RSAD2: variants seen among roughly 807,000 people sequenced by gnomAD.
The protein encoded by RSAD2 is S-adenosylmethionine-dependent nucleotide dehydratase RSAD2.
RSAD2 carries 38 observed loss-of-function variants against 37.7 expected under a neutral mutation model. That is an observed-to-expected ratio of 1.01 (90% CI 0.78 to 1.32). RSAD2 has a LOEUF of 1.32. Ranked by LOEUF, RSAD2 falls within the 40% of genes most tolerant of loss-of-function variation. The pLI, the probability that RSAD2 is intolerant of heterozygous loss-of-function variation, is 0.00. For missense variants in RSAD2, 428 were observed against 437.5 expected, an observed-to-expected ratio of 0.98 and a Z score of 0.19; for synonymous variants, 163 against 157.4, an observed-to-expected ratio of 1.04 and a Z score of -0.27.
intron 1 of RSAD2, among the ~76,000 whole-genome samples, chr2:6,881,167 C>T (rs1663391485): frequency 6.6e-6 from 1 of 152,162 alleles, no homozygotes; most frequent in South Asian, 2.1e-4. Flanking sequence ...GTTTATCTGC[C>T]ACTATATCAC....
upstream of RSAD2, chr2:6,876,887 A>T (rs1479671842): frequency 6.6e-6 from 1 of 152,188 alleles, no homozygotes; most frequent in Non-Finnish European, 1.5e-5. Context: ...AAAGTCGCTT[A>T]CTCAGTCACC....
In RSAD2 at chr2:6,883,552, A is replaced by G. The variant is rs1663458035; in HGVS notation, c.508+20A>G. ...ATTATGGTGTGCTCCATGGGATGGC[A>G]TTCTTCTTATTGCTATTGCTATTTT... On this transcript the variant is annotated intron_variant, in intron 2 of 5. Coordinates refer to ENST00000382040, the MANE Select transcript of RSAD2 (RefSeq NM_080657.5). 1.2e-5 allele frequency: 20 copies of G among 1,612,364 alleles called. No homozygotes were observed. In the East Asian group the frequency reaches 4.2e-4, roughly 34 times the overall value.
At chr2:6,877,702 C>A, upstream of RSAD2, 1 of 854,868 alleles carries the variant, frequency 1.2e-6, no homozygotes, top group Non-Finnish European at 1.8e-6. Flanking sequence ...GTGTGTCCTG[C>A]TCCCCAATGA....
intron 1 of RSAD2, among the ~76,000 whole-genome samples, chr2:6,881,196 T>G (rs1663392117): frequency 6.6e-6 from 1 of 152,174 alleles, no homozygotes. Context: ...ACTTCTTAGG[T>G]AATTATGTTT....
chr2:6,873,496 A>G (rs1049229026), upstream of RSAD2, among the ~76,000 whole-genome samples: 1 of 152,202 alleles, frequency 6.6e-6, no homozygotes, highest in African/African-American at 2.4e-5. Flanking sequence ...CTATTAGGTA[A>G]CTGGCCTAGT....
chr2:6,889,673 C>A (rs1232278374), intron 3 of RSAD2, among the ~76,000 whole-genome samples: 1 of 152,186 alleles, frequency 6.6e-6, no homozygotes, highest in Non-Finnish European at 1.5e-5. Flanking sequence ...CACACTCTTA[C>A]ACACACATTT....
Position 6,877,907 on chromosome 2 carries a change from G to C in RSAD2, c.107G>C (p.Arg36Thr), listed in dbSNP as rs1272862163. ...RSLVPLFCWL[R>T]ATFWLLATKR... ...CTGGTCCCGCTGTTCTGCTGGCTGA[G>C]GGCAACCTTCTGGCTGCTAGCTACC... is the stretch of plus-strand genomic sequence containing the variant. Residue 36 changes from arginine (R) to threonine (T), a missense_variant, in exon 1 of 6, where the codon AGG becomes ACG. By Grantham distance (71) the Arg-to-Thr change is moderately conservative (BLOSUM62 -1). Transcript: ENST00000382040. 1.2e-6 allele frequency: 2 copies of C among 1,614,004 alleles called. No individual in the cohort carries two copies. Among genetic ancestry groups the C allele is most frequent in the Non-Finnish European group, 1.7e-6 (2 of 1,180,026 alleles).
At position 6,895,999 on chromosome 2, in the gene RSAD2, C is replaced by T; in HGVS notation, c.*57C>T. 6.5e-7 allele frequency: 1 copy of T among 1,532,734 alleles called. No homozygotes were observed. The highest frequency in any genetic ancestry group is 8.9e-7 in the Non-Finnish European group (1 of 1,118,728). The allele number at this position is 1,532,734 out of a possible 1,614,324, so 94.9% of individuals were successfully genotyped here. On this transcript the variant is annotated 3_prime_UTR_variant, in exon 6 of 6. Coordinates refer to ENST00000382040, the MANE Select transcript of RSAD2 (RefSeq NM_080657.5). ...AGTGGGAAAACTCCTAGAGTAACTGCCATTGTCTGCAATACTATCCCGTTG... is the reference window on the plus strand; with the variant it reads ...AGTGGGAAAACTCCTAGAGTAACTGTCATTGTCTGCAATACTATCCCGTTG...
intron 3 of RSAD2, among the ~76,000 whole-genome samples, chr2:6,888,394 A>AAG (rs1663564718): frequency 6.6e-6 from 1 of 152,170 alleles, no homozygotes; most frequent in South Asian, 2.1e-4. Context: ...AGAAAAGCTA[A>AAG]AGAGAGAGGT....
At chr2:6,890,620 A>G (rs1036291247) in intron 4 of RSAD2, among the ~76,000 whole-genome samples, 15 of 152,230 alleles carry the variant, frequency 9.9e-5, no homozygotes, top group African/African-American at 3.4e-4. Context: ...TATATGATTC[A>G]TATAAGTATA....
chr2:6,878,920 A>G (rs1036574968), intron 1 of RSAD2: 1 of 982,148 alleles, frequency 1.0e-6, no homozygotes, highest in Admixed American at 2.3e-5. Flanking sequence ...GATTACACAT[A>G]TTCTGGATGT....
At chr2:6,895,535 G>C (rs190498969) in intron 5 of RSAD2, among the ~76,000 whole-genome samples, 1 of 152,198 alleles carries the variant, frequency 6.6e-6, no homozygotes, top group African/African-American at 2.4e-5. Context: ...CATGCGGGGC[G>C]CATATCATTC....
chr2:6,887,266 G>A lies in RSAD2; in HGVS notation c.738+102G>A, dbSNP rs538117742. The A allele has an allele frequency of 1.0e-4, 85 of 821,870 alleles. 1 individual carries two copies. Among genetic ancestry groups the A allele is most frequent in the African/African-American group, 8.9e-4 (52 of 58,440 alleles). The allele number at this position is 821,870 out of a possible 1,614,324, so 50.9% of individuals were successfully genotyped here. On this transcript the variant is annotated intron_variant, in intron 3 of 5. Coordinates refer to ENST00000382040, the MANE Select transcript of RSAD2 (RefSeq NM_080657.5). ...ACAATACTGATACAAGAGAACTCTG[G>A]ACCTCGCAAGCCAGTCCAGAAGTCA...
chr2:6,883,554 T>C, intron 2 of RSAD2, 22 bp downstream of exon 2: 1 of 1,612,452 alleles, frequency 6.2e-7, no homozygotes, highest in Non-Finnish European at 8.5e-7. Context: ...GGGATGGCAT[T>C]CTTCTTATTG....
At chr2:6,875,282 T>G (rs868338075), upstream of RSAD2, among the ~76,000 whole-genome samples, 10 of 152,214 alleles carry the variant, frequency 6.6e-5, no homozygotes, top group Non-Finnish European at 1.5e-4. Flanking sequence ...TAAATCCTGA[T>G]AAAGTTTACC....
At chr2:6,894,414 G>A (rs1183270832) in intron 5 of RSAD2, among the ~76,000 whole-genome samples, 1 of 151,904 alleles carries the variant, frequency 6.6e-6, no homozygotes, top group Non-Finnish European at 1.5e-5. Context: ...ATTTAAATTG[G>A]ATTTGTTTTT....
At position 6,895,805 on chromosome 2, in the gene RSAD2, C is replaced by T. The variant is rs1053222130; in HGVS notation, c.949C>T (p.Arg317Trp). Reference protein sequence around the residue: ...YMRFLNCRKGRKDPSKSILDV... With the variant: ...YMRFLNCRKGWKDPSKSILDV... Reference sequence around the variant, plus strand: ...GCGCTTTCTGAACTGTAGAAAGGGACGGAAGGACCCTTCCAAGTCCATCCT... The same window carrying T: ...GCGCTTTCTGAACTGTAGAAAGGGATGGAAGGACCCTTCCAAGTCCATCCT... The change falls in exon 6 of 6, where the codon CGG (arginine) becomes TGG (tryptophan). Residue 317 changes from arginine to tryptophan, a missense_variant. Coordinates refer to ENST00000382040, the MANE Select transcript of RSAD2 (RefSeq NM_080657.5). 5.3e-5 allele frequency: 86 copies of T among 1,613,768 alleles called. No individual in the cohort carries two copies. The highest frequency in any genetic ancestry group is 8.3e-5 in the Admixed American group (5 of 59,988).
intron 1 of RSAD2, among the ~76,000 whole-genome samples, chr2:6,881,456 C>T (rs1663398448): frequency 1.3e-5 from 2 of 152,348 alleles, no homozygotes. Flanking sequence ...TACCCTAGCT[C>T]TACTTTTCTC....
chr2:6,880,883 A>G lies in RSAD2; in HGVS notation c.347-2488A>G, dbSNP rs185658997. On this transcript the variant is annotated intron_variant, in intron 1 of 5. Coordinates refer to ENST00000382040, the MANE Select transcript of RSAD2 (RefSeq NM_080657.5). Reference sequence around the variant, plus strand: ...TTCTGGCTAAAGATGCTCCTAAAATATATTATTTACTTTCCTGGCTTTTAA... The same window carrying G: ...TTCTGGCTAAAGATGCTCCTAAAATGTATTATTTACTTTCCTGGCTTTTAA... Among the ~76,000 whole-genome samples the G allele has an allele frequency of 5.0e-3, 757 of 151,974 alleles. 9 individuals carry two copies. Among genetic ancestry groups the G allele is most frequent in the Non-Finnish European group, 8.6e-3 (582 of 67,954 alleles).
Sources: gnomAD v4.1 joint callset for allele counts (sites outside exome capture counted in the v4.1 genomes callset) on GRCh38, gnomAD v4.1.1 for gene constraint, MANE v1.5 for transcripts, NCBI Gene and HGNC (gene_info 2026-07-23, HGNC 2026-07-21) for gene names.